The following ZNF804B variants were observed in gnomAD, a reference collection of about 807,000 sequenced individuals.
ZNF804B encodes zinc finger protein 804B, also known as zinc finger 804B.
In ZNF804B, 80 loss-of-function variants were observed where a neutral mutation model predicts 101.4. The ratio of observed to expected loss-of-function variants is 0.79; its 90% CI spans 0.66 to 0.95. The LOEUF (loss-of-function observed/expected upper bound fraction) is 0.95, where lower values mean the gene tolerates loss of function less well. Ranked by LOEUF, ZNF804B falls within the 40% of genes least tolerant of loss-of-function variation. ZNF804B has a pLI of 0.00. For missense variants in ZNF804B, 1,673 were observed against 1,561.9 expected (o/e 1.07, Z -1.20); for synonymous variants, 622 against 558.8 (o/e 1.11, Z -1.59).
chr7:89,043,533 A>T (rs1361509526), intron 1 of ZNF804B, among the ~76,000 whole-genome samples: 1 of 152,214 alleles, frequency 6.6e-6, no homozygotes, highest in Non-Finnish European at 1.5e-5. Context: ...GAATAATGTC[A>T]TTGAGAAACA....
At chr7:89,249,406 C>T (rs368305456) in intron 2 of ZNF804B, among the ~76,000 whole-genome samples, 4 of 151,956 alleles carry the variant, frequency 2.6e-5, no homozygotes, top group African/African-American at 9.7e-5. Flanking sequence ...ACAAATTGTT[C>T]AAAAAATCAA....
At chr7:89,283,889 C>T (rs1440629183) in intron 2 of ZNF804B, among the ~76,000 whole-genome samples, 1 of 151,896 alleles carries the variant, frequency 6.6e-6, no homozygotes, top group Non-Finnish European at 1.5e-5. Context: ...GTTTAAAAAA[C>T]TTCAAGTCTC....
intron 2 of ZNF804B, among the ~76,000 whole-genome samples, chr7:89,326,966 G>A (rs891979429): frequency 6.6e-6 from 1 of 152,016 alleles, no homozygotes; most frequent in Non-Finnish European, 1.5e-5. Context: ...TTACAAGTGA[G>A]GGGCAGGTGG....
intron 1 of ZNF804B, among the ~76,000 whole-genome samples, chr7:88,847,605 G>A (rs940650796): frequency 1.3e-5 from 2 of 152,158 alleles, no homozygotes; most frequent in African/African-American, 2.4e-5. Context: ...TGGGGGTACA[G>A]GGATGGTTGG....
chr7:89,287,269 CT>C (rs1790216054), intron 2 of ZNF804B, among the ~76,000 whole-genome samples: 2 of 152,184 alleles, frequency 1.3e-5, no homozygotes, highest in Middle Eastern at 3.4e-3. Context: ...GTTGGTACCC[CT>C]AACCCCTGCA....
At chr7:89,171,554 C>T (rs944510804) in intron 1 of ZNF804B, among the ~76,000 whole-genome samples, 2 of 151,932 alleles carry the variant, frequency 1.3e-5, no homozygotes, top group African/African-American at 4.8e-5. Flanking sequence ...TCTGCCTCAG[C>T]CTCCGGAGTA....
At chr7:89,205,167 C>T (rs1430939819) in intron 1 of ZNF804B, among the ~76,000 whole-genome samples, 1 of 152,140 alleles carries the variant, frequency 6.6e-6, no homozygotes, top group African/African-American at 2.4e-5. Context: ...AACCTACCCT[C>T]CATGATTCAA....
intron 1 of ZNF804B, among the ~76,000 whole-genome samples, chr7:88,809,648 C>A (rs1225582050): frequency 4.6e-5 from 7 of 152,128 alleles, no homozygotes; most frequent in Non-Finnish European, 1.0e-4. Context: ...AGCTTTAAAA[C>A]CAAAGTAAAC....
chr7:88,948,159 C>T (rs1480737648), intron 1 of ZNF804B, among the ~76,000 whole-genome samples: 1 of 151,736 alleles, frequency 6.6e-6, no homozygotes, highest in Non-Finnish European at 1.5e-5. Context: ...CCAGAGACCC[C>T]ACCAGGATGG....
intron 1 of ZNF804B, among the ~76,000 whole-genome samples, chr7:89,066,292 T>C (rs1408431494): frequency 6.6e-6 from 1 of 152,114 alleles, no homozygotes; most frequent in Admixed American, 6.6e-5. Context: ...CTGCCTGTTA[T>C]GCTAACTCAC....
Position 89,337,989 on chromosome 7 carries a change from G to T in ZNF804B, c.*957G>T, listed in dbSNP as rs1413887880. On this transcript the variant is annotated 3_prime_UTR_variant, in exon 4 of 4. Transcript: ENST00000333190. ...GGATATCTTATTAAATATCTGGTGT[G>T]TTTTATTCAATTGTACTAGATATTT... Among the ~76,000 whole-genome samples, 4 of 151,916 alleles carry T rather than the reference G, an allele frequency of 2.6e-5. No homozygotes were observed. Among genetic ancestry groups the T allele is most frequent in the Non-Finnish European group, 4.4e-5 (3 of 67,908 alleles).
intron 2 of ZNF804B, among the ~76,000 whole-genome samples, chr7:89,220,941 A>C (rs1179700277): frequency 6.6e-6 from 1 of 151,728 alleles, no homozygotes; most frequent in Admixed American, 6.6e-5. Context: ...TTTCCTTTTC[A>C]CTGGTTTTTA....
intron 1 of ZNF804B, among the ~76,000 whole-genome samples, chr7:88,770,363 G>C (rs142873315): frequency 6.6e-5 from 10 of 152,142 alleles, no homozygotes; most frequent in Non-Finnish European, 1.2e-4. Context: ...AGGATGCTAT[G>C]CTTCTAGGTC....
chr7:88,981,428 ATCTC>A (rs1438760570), intron 1 of ZNF804B, among the ~76,000 whole-genome samples: 1 of 151,974 alleles, frequency 6.6e-6, no homozygotes, highest in Non-Finnish European at 1.5e-5. Context: ...GAAGGAAGGA[ATCTC>A]TCTCCGAGCT....
chr7:89,273,260 G>A (rs573810962), intron 2 of ZNF804B, among the ~76,000 whole-genome samples: 1 of 152,182 alleles, frequency 6.6e-6, no homozygotes, highest in South Asian at 2.1e-4. Flanking sequence ...AGAGGCAACA[G>A]TAGACAATAG....
intron 2 of ZNF804B, among the ~76,000 whole-genome samples, chr7:89,282,285 A>T (rs1790112147): frequency 2.0e-5 from 3 of 152,044 alleles, no homozygotes. Flanking sequence ...AGCCTATGGA[A>T]GCTACCAAAT....
At chr7:88,853,289 A>G (rs1791472736) in intron 1 of ZNF804B, among the ~76,000 whole-genome samples, 1 of 152,136 alleles carries the variant, frequency 6.6e-6, no homozygotes, top group Non-Finnish European at 1.5e-5. Flanking sequence ...TAACAGCTGA[A>G]GGGTGAATAA....
intron 1 of ZNF804B, among the ~76,000 whole-genome samples, chr7:89,033,491 T>A (rs1016672666): frequency 6.6e-6 from 1 of 152,162 alleles, no homozygotes; most frequent in African/African-American, 2.4e-5. Flanking sequence ...GTGGGAGTGC[T>A]GGATCATAGA....
At chr7:88,875,952 CTTATCCACTGTGAGCAAGTGGGCT>C (rs929760660) in intron 1 of ZNF804B, among the ~76,000 whole-genome samples, 35 of 152,278 alleles carry the variant, frequency 2.3e-4, no homozygotes, top group African/African-American at 8.4e-4. Flanking sequence ...CATCAAAAAG[CTTATCCACTGTGAGCAAGTGGGCT>C]TCATCCCTGG....
Sources: gnomAD v4.1 joint callset for allele counts (sites outside exome capture counted in the v4.1 genomes callset) on GRCh38, gnomAD v4.1.1 for gene constraint, MANE v1.5 for transcripts, NCBI Gene and HGNC (gene_info 2026-07-23, HGNC 2026-07-21) for gene names.